ATP6V0E2: variants seen among roughly 807,000 people sequenced by gnomAD.
ATP6V0E2 encodes ATPase H+ transporting V0 subunit e2.
A neutral mutation model predicts 11.5 loss-of-function variants in ATP6V0E2; 4 were observed. The ratio of observed to expected loss-of-function variants is 0.35; its 90% CI spans 0.17 to 0.80. The LOEUF (loss-of-function observed/expected upper bound fraction) is 0.80, where lower values mean the gene tolerates loss of function less well. Among genes scored for constraint, ATP6V0E2 ranks in the 30% least tolerant of loss-of-function variants. The pLI, the probability that ATP6V0E2 is intolerant of heterozygous loss-of-function variation, is 0.53. For missense variants in ATP6V0E2, 93 were observed against 113.5 expected (o/e 0.82, Z 0.82); for synonymous variants, 52 against 51.0 (o/e 1.02, Z -0.09).
At chr7:149,875,304 C>A (rs1393450670) in intron 1 of ATP6V0E2, among the ~76,000 whole-genome samples, 1 of 152,152 alleles carries the variant, frequency 6.6e-6, no homozygotes. Flanking sequence ...TTCCACAACA[C>A]GTCTGCATTA....
At position 149,875,625 on chromosome 7, in the gene ATP6V0E2, C is replaced by G. The variant is rs191859295; in HGVS notation, c.132C>G (p.Thr44=). 205 of 1,613,854 alleles carry G rather than the reference C, an allele frequency of 1.3e-4. No homozygotes were observed. In the African/African-American group the frequency reaches 2.1e-3, roughly 16 times the overall value. The change falls in exon 2 of 4, where the codon ACC becomes ACG. Residue 44 remains threonine (T), a synonymous_variant. Transcript: ENST00000425642. ...RGVIITMLVA[T]AVCCYLFWLI... is the part of the protein sequence containing the mutation. ...TGATCATCACCATGCTGGTCGCCAC[C>G]GCCGTCTGCTGTTACCTCTTGTAAG... is the stretch of plus-strand genomic sequence containing the variant.
chr7:149,873,885 T>A (rs148579932), upstream of ATP6V0E2: 2,739 of 1,490,880 alleles, frequency 1.8e-3, 23 homozygotes, highest in African/African-American at 0.029. Context: ...CCTAGGCAGG[T>A]CCTGAGTGAC....
chr7:149,879,398 C>G lies in ATP6V0E2; in HGVS notation c.*83C>G. The G allele has an allele frequency of 6.2e-7, 1 of 1,600,436 alleles. No homozygotes were observed. On this transcript the variant is annotated 3_prime_UTR_variant, in exon 4 of 4. Coordinates refer to ENST00000425642, the MANE Select transcript of ATP6V0E2 (RefSeq NM_145230.4). ...TGACAACCCCTTCGTCCGGACCCTC[C>G]CCCACACAACTATGTCTGGTCACCA...
chr7:149,877,657 G>T, intron 2 of ATP6V0E2, among the ~76,000 whole-genome samples: 1 of 148,958 alleles, frequency 6.7e-6, no homozygotes, highest in Admixed American at 6.8e-5. Flanking sequence ...CTTGAGAAAA[G>T]ATCCTCATCT....
intron 2 of ATP6V0E2, 63 bp downstream of exon 2, chr7:149,875,708 C>T: frequency 6.7e-7 from 1 of 1,493,190 alleles, no homozygotes; most frequent in Non-Finnish European, 9.3e-7. Context: ...CTTTCCTCCT[C>T]ACCCTAGCCT....
chr7:149,873,639 C>A, upstream of ATP6V0E2: 1 of 338,388 alleles, frequency 3.0e-6, no homozygotes, highest in Non-Finnish European at 5.3e-6. Context: ...GTCCGCAGGG[C>A]GCTTCGGGCC....
chr7:149,878,685 A>T lies in ATP6V0E2; in HGVS notation c.160A>T (p.Ile54Phe). 1 of 1,611,590 alleles carries T rather than the reference A, an allele frequency of 6.2e-7. No individual in the cohort carries two copies. The highest frequency in any genetic ancestry group is 8.5e-7 in the Non-Finnish European group (1 of 1,179,756). ...CTTTGCTGTCCCTGGCAGCTGGCTC[A>T]TCGCCATCCTGGCGCAGCTGAACCC... ...TAVCCYLFWLIAILAQLNPLF... is the reference protein window; with the variant it reads ...TAVCCYLFWLFAILAQLNPLF... Residue 54 changes from isoleucine to phenylalanine, a missense_variant, in exon 3 of 4, where the codon ATC becomes TTC. Transcript: ENST00000425642.
intron 1 of ATP6V0E2, among the ~76,000 whole-genome samples, chr7:149,875,205 A>G (rs1309557257): frequency 6.6e-6 from 1 of 152,038 alleles, no homozygotes; most frequent in Non-Finnish European, 1.5e-5. Flanking sequence ...CTTCTAGCCT[A>G]TTGTTTTCCT....
rs927389988 is a variant in ATP6V0E2 at position 149,874,202 on chromosome 7, C to G, written c.104+33C>G. On this transcript the variant is annotated intron_variant, in intron 1 of 3. Coordinates refer to ENST00000425642, the MANE Select transcript of ATP6V0E2 (RefSeq NM_145230.4). Reference sequence around the variant, plus strand: ...AAGCGCGCAGGCCCTGCAGACCTCTCCACCCCGGCCCCCTGGCCCGGCTCG... The same window carrying G: ...AAGCGCGCAGGCCCTGCAGACCTCTGCACCCCGGCCCCCTGGCCCGGCTCG... 8.5e-6 allele frequency: 13 copies of G among 1,524,266 alleles called. No homozygotes were observed. The East Asian group carries it at 3.0e-4, about 35-fold the overall frequency. 94.4% of individuals were successfully genotyped at this position (1,524,266 alleles called of 1,614,324 possible). A position where few individuals can be genotyped will look rare whatever the true frequency, so the allele number is the denominator to read the frequency against.
upstream of ATP6V0E2, chr7:149,873,847 C>T: frequency 6.9e-7 from 1 of 1,447,722 alleles, no homozygotes. Context: ...CTGTCCGCGG[C>T]CCTGCTCAGC....
At chr7:149,875,883 TAGTTTTCTCACCTGGGCAAGGAAGG>T in intron 2 of ATP6V0E2, 1 of 681,740 alleles carries the variant, frequency 1.5e-6, no homozygotes, top group Admixed American at 2.0e-5. Flanking sequence ...CCATGGGCTG[TAGTTTTCTCACCTGGGCAAGGAAGG>T]AGGCAGGCCA....
chr7:149,876,032 T>C (rs919232315), intron 2 of ATP6V0E2: 1 of 471,890 alleles, frequency 2.1e-6, no homozygotes, highest in African/African-American at 2.0e-5. Flanking sequence ...ACTTGGGAAT[T>C]CCTGTTGTTC....
At chr7:149,878,051 A>G (rs1318914758) in intron 2 of ATP6V0E2, among the ~76,000 whole-genome samples, 3 of 152,238 alleles carry the variant, frequency 2.0e-5, no homozygotes, top group Non-Finnish European at 4.4e-5. Flanking sequence ...AGGCACTGAC[A>G]GAGCGTGGGG....
intron 2 of ATP6V0E2, chr7:149,875,884 A>G (rs1364140516): frequency 1.5e-6 from 1 of 681,842 alleles, no homozygotes; most frequent in East Asian, 2.8e-5. Flanking sequence ...CATGGGCTGT[A>G]GTTTTCTCAC....
chr7:149,878,636 C>T (rs6947011), intron 2 of ATP6V0E2, 42 bp from the exon 3 acceptor site: 964,557 of 1,580,486 alleles, frequency 0.61, 299,909 homozygotes, highest in African/African-American at 0.81. Flanking sequence ...TGTGGGAGGA[C>T]CCTCCTGTGC....
intron 3 of ATP6V0E2, 32 bp downstream of exon 3, chr7:149,878,822 A>G (rs908575578): frequency 6.3e-7 from 1 of 1,590,184 alleles, no homozygotes; most frequent in Non-Finnish European, 8.6e-7. Flanking sequence ...TGGGTGGGGA[A>G]GAGGGGAAAG....
rs1433234256 is a variant in ATP6V0E2 at position 149,879,957 on chromosome 7, C to T, written c.*642C>T. 3.3e-6 allele frequency: 1 copy of T among 304,584 alleles called. No individual in the cohort carries two copies. The highest frequency in any genetic ancestry group is 6.0e-6 in the Non-Finnish European group (1 of 166,322). 18.9% of individuals were successfully genotyped at this position (304,584 alleles called of 1,614,324 possible). A position where few individuals can be genotyped will look rare whatever the true frequency, so the allele number is the denominator to read the frequency against. On this transcript the variant is annotated 3_prime_UTR_variant, in exon 4 of 4. Coordinates refer to ENST00000425642, the MANE Select transcript of ATP6V0E2 (RefSeq NM_145230.4). Reference sequence around the variant, plus strand: ...ATGTTGGCACCCTTTGCTGTGTCTCCTCAGAGTATCCTGTTCCGCCTCCTG... The same window carrying T: ...ATGTTGGCACCCTTTGCTGTGTCTCTTCAGAGTATCCTGTTCCGCCTCCTG...
rs186164131 is a variant in ATP6V0E2 at position 149,876,871 on chromosome 7, C to G, written c.152+1226C>G. 1.4e-4 allele frequency among the ~76,000 whole-genome samples: 21 copies of G among 152,300 alleles called. 1 individual carries two copies. The highest frequency in any genetic ancestry group is 4.8e-4 in the African/African-American group (20 of 41,580). ...CTCATTCTTTAAGAGGTAACAGATT[C>G]TTTTGAAACAACTGGAATATTTTCC... On this transcript the variant is annotated intron_variant, in intron 2 of 3. Transcript: ENST00000425642.
At chr7:149,879,118 A>G in intron 3 of ATP6V0E2, 1 of 1,398,784 alleles carries the variant, frequency 7.1e-7, no homozygotes, top group Non-Finnish European at 9.2e-7. Context: ...GCCGCCAGGG[A>G]TGAAATGGGA....
Sources: gnomAD v4.1 joint callset for allele counts (sites outside exome capture counted in the v4.1 genomes callset) on GRCh38, gnomAD v4.1.1 for gene constraint, MANE v1.5 for transcripts, NCBI Gene and HGNC (gene_info 2026-07-23, HGNC 2026-07-21) for gene names.